Variants in LRRC57 observed in about 807,000 individuals in gnomAD.
LRRC57 encodes leucine-rich repeat-containing protein 57.
In LRRC57, 14 loss-of-function variants were observed where a neutral mutation model predicts 23.1. That is an observed-to-expected ratio of 0.61 (90% CI 0.40 to 0.95). The LOEUF is 0.95. LRRC57 is among the 40% of genes least tolerant of loss of function. The pLI is 0.00. For missense variants in LRRC57, 236 were observed against 284.4 expected (o/e 0.83, Z 1.22); for synonymous variants, 106 against 115.2 (o/e 0.92, Z 0.51).
downstream of LRRC57, among the ~76,000 whole-genome samples, chr15:42,535,022 AAG>A (rs573073910): frequency 2.6e-4 from 39 of 152,330 alleles, no homozygotes; most frequent in South Asian, 7.5e-3. Context: ...AGCCTCTAAC[AAG>A]AGAGTCAGCC....
In LRRC57 at chr15:42,538,017, A is replaced by C. The variant is rs1365591284; in HGVS notation, c.*6066T>G. On this transcript the variant is annotated 3_prime_UTR_variant, in exon 6 of 6. Transcript: ENST00000397130. ...TAGCATAGTACGGTGACTATACTTA[A>C]TGTAAGTTTCAAAATGGCTAGAAGA... 2 of 152,206 alleles carry C rather than the reference A, an allele frequency of 1.3e-5. No homozygotes were observed. The highest frequency in any genetic ancestry group is 2.9e-5 in the Non-Finnish European group (2 of 68,032). 9.4% of individuals were successfully genotyped at this position (152,206 alleles called of 1,614,324 possible).
rs150875501 is a variant in LRRC57 at position 42,538,261 on chromosome 15, C to T, written c.*5822G>A. 20 of 152,298 alleles carry T rather than the reference C, an allele frequency of 1.3e-4. No individual in the cohort carries two copies. The East Asian group carries it at 3.5e-3, about 26-fold the overall frequency. The allele number at this position is 152,298 out of a possible 1,614,324, so 9.4% of individuals were successfully genotyped here. On this transcript the variant is annotated 3_prime_UTR_variant, in exon 6 of 6. Transcript: ENST00000397130. The stretch of plus-strand genomic sequence containing the variant: ...CTTTAGGTCACTCTTACCAAAACTT[C>T]AGGTTATCCCAATTACATTCCTAAT...
rs1016265774 is a variant in LRRC57, at chr15:42,540,148, A to G, written c.*3935T>C. The G allele has an allele frequency of 1.3e-5, 2 of 151,286 alleles. No individual in the cohort carries two copies. Among genetic ancestry groups the G allele is most frequent in the African/African-American group, 4.9e-5 (2 of 41,010 alleles). The allele number at this position is 151,286 out of a possible 1,614,324, so 9.4% of individuals were successfully genotyped here. On this transcript the variant is annotated 3_prime_UTR_variant, in exon 6 of 6. Transcript: ENST00000397130. ...GAGGCGGAGGTTGCAGTGAGCCAAG[A>G]TCGCGCCATTGTACTCCAGCGTGGG... is the stretch of plus-strand genomic sequence containing the variant.
chr15:42,537,654 A>C (rs1156342852), downstream of LRRC57, among the ~76,000 whole-genome samples: 8 of 152,212 alleles, frequency 5.3e-5, no homozygotes, highest in Non-Finnish European at 1.2e-4. Context: ...GTCCATCAAC[A>C]GATGAATGGA....
downstream of LRRC57, among the ~76,000 whole-genome samples, chr15:42,534,161 T>C (rs2057587927): frequency 6.6e-6 from 1 of 152,202 alleles, no homozygotes; most frequent in Non-Finnish European, 1.5e-5. Flanking sequence ...GAAGGAGTCT[T>C]GCTCTGTCAT....
At chr15:42,535,904 C>A (rs2057598396), downstream of LRRC57, among the ~76,000 whole-genome samples, 1 of 152,088 alleles carries the variant, frequency 6.6e-6, no homozygotes, top group Non-Finnish European at 1.5e-5. Context: ...GAAGATGAGA[C>A]CGTTTCTACA....
the LRRC57 span, chr15:42,529,723 A>T: frequency 6.2e-7 from 1 of 1,614,142 alleles, no homozygotes. Flanking sequence ...ACCTGACTCA[A>T]GTGGGCAGTA....
chr15:42,530,525 G>A, the LRRC57 span, among the ~76,000 whole-genome samples: 3 of 152,196 alleles, frequency 2.0e-5, no homozygotes, highest in East Asian at 1.9e-4. Context: ...TTTGAGAGGC[G>A]GAGGCAGGAG....
the LRRC57 span, chr15:42,528,558 T>C: frequency 1.1e-6 from 1 of 880,682 alleles, no homozygotes; most frequent in Non-Finnish European, 1.7e-6. Context: ...TTTAAAAATC[T>C]GCCCACTGAC....
Position 42,547,277 on chromosome 15 carries a change from T to C in LRRC57, c.476A>G (p.Asn159Ser), listed in dbSNP as rs747963864. 5 of 1,614,100 alleles carry C rather than the reference T, an allele frequency of 3.1e-6. No homozygotes were observed. Among genetic ancestry groups the C allele is most frequent in the South Asian group, 2.2e-5 (2 of 91,050 alleles). The change falls in exon 4 of 6, where the codon AAC becomes AGC. Residue 159 changes from asparagine to serine, a missense_variant. Transcript: ENST00000397130. Reference sequence around the variant, plus strand: ...GCTCTAGACCTGATTCTGGTTGAGGTTGAGTTCGATGACTTGCAGCTCTCC... The same window carrying C: ...GCTCTAGACCTGATTCTGGTTGAGGCTGAGTTCGATGACTTGCAGCTCTCC... ...SVGELQVIELNLNQNQISQIS... is the reference protein window; with the variant it reads ...SVGELQVIELSLNQNQISQIS...
In LRRC57 at chr15:42,539,514, G is replaced by C. The variant is rs2057617551; in HGVS notation, c.*4569C>G. 8.8e-6 allele frequency: 1 copy of C among 113,788 alleles called. No individual in the cohort carries two copies. The highest frequency in any genetic ancestry group is 1.8e-5 in the Non-Finnish European group (1 of 57,080). 7.0% of individuals were successfully genotyped at this position (113,788 alleles called of 1,614,324 possible). ...AAAAAAAAAAGAGACTTAAAAGCCAGGCAGTGGCTCACACCTGTAATCTCA... is the reference window on the plus strand; with the variant it reads ...AAAAAAAAAAGAGACTTAAAAGCCACGCAGTGGCTCACACCTGTAATCTCA... On this transcript the variant is annotated 3_prime_UTR_variant, in exon 6 of 6. Transcript: ENST00000397130.
At chr15:42,546,989 T>C (rs149270505) in intron 4 of LRRC57, among the ~76,000 whole-genome samples, 1,534 of 152,300 alleles carry the variant, frequency 0.01, 36 homozygotes, top group African/African-American at 0.035. Flanking sequence ...TCTTCAAGAT[T>C]TGTGAGACAG....
At chr15:42,534,538 T>G (rs2057590771), downstream of LRRC57, among the ~76,000 whole-genome samples, 1 of 152,232 alleles carries the variant, frequency 6.6e-6, no homozygotes, top group African/African-American at 2.4e-5. Context: ...ATCATGAATG[T>G]CCTTAACGGT....
downstream of LRRC57, among the ~76,000 whole-genome samples, chr15:42,534,865 A>G (rs2057592468): frequency 6.6e-6 from 1 of 152,248 alleles, no homozygotes; most frequent in Non-Finnish European, 1.5e-5. Flanking sequence ...TCAGTAAATC[A>G]TGCTGTAAAC....
At chr15:42,548,569 C>G (rs2057679002) in intron 1 of LRRC57, 113 bp from the exon 2 acceptor site, 1 of 798,660 alleles carries the variant, frequency 1.3e-6, no homozygotes, top group East Asian at 2.7e-5. Context: ...GGGCCCGACC[C>G]AAGAGCGACA....
Position 42,541,022 on chromosome 15 carries a change from A to C in LRRC57, c.*3061T>G. The C allele has an allele frequency of 6.7e-6, 1 of 150,184 alleles. No homozygotes were observed. The highest frequency in any genetic ancestry group is 2.5e-5 in the African/African-American group (1 of 40,676). 9.3% of individuals were successfully genotyped at this position (150,184 alleles called of 1,614,324 possible). ...ACTCCAGCCTGGGTGAAAGAATGAG[A>C]CTCCGTCTCAGAAAAAAAAAAAAAA... is the stretch of plus-strand genomic sequence containing the variant. On this transcript the variant is annotated 3_prime_UTR_variant, in exon 6 of 6. Transcript: ENST00000397130.
In LRRC57 at chr15:42,540,643, C is replaced by T; in HGVS notation, c.*3440G>A. The T allele has an allele frequency of 6.6e-6, 1 of 152,164 alleles. No homozygotes were observed. 9.4% of individuals were successfully genotyped at this position (152,164 alleles called of 1,614,324 possible). ...TGAAGAAAGGGCAATAAGTCTAGGC[C>T]CAAATTGTGAAGGGTGGTAGTTGTG... On this transcript the variant is annotated 3_prime_UTR_variant, in exon 6 of 6. Transcript: ENST00000397130.
chr15:42,548,750 C>G lies in LRRC57; in HGVS notation c.-80G>C, dbSNP rs899389585. Reference sequence around the variant, plus strand: ...GGTGAAGACCCAGGACCCGCAGTAGCCGGGATGCGCTCCCCGGCTTAGTCC... The same window carrying G: ...GGTGAAGACCCAGGACCCGCAGTAGGCGGGATGCGCTCCCCGGCTTAGTCC... On this transcript the variant is annotated 5_prime_UTR_variant, in exon 1 of 6. Transcript: ENST00000397130. The G allele has an allele frequency of 2.8e-6, 2 of 720,764 alleles. No individual in the cohort carries two copies. The highest frequency in any genetic ancestry group is 2.8e-5 in the Admixed American group (1 of 35,182). The allele number at this position is 720,764 out of a possible 1,614,324, so 44.6% of individuals were successfully genotyped here.
chr15:42,547,261 C>A lies in LRRC57; in HGVS notation c.492G>T (p.Gln164His). The change falls in exon 4 of 6, where the codon CAG becomes CAT. Residue 164 changes from glutamine to histidine, a missense_variant and splice_region_variant. Gln to His is a conservative substitution (Grantham distance 24, BLOSUM62 0). Transcript: ENST00000397130. ...GAAAAAAAACCTTAAAGCTCTAGAC[C>A]TGATTCTGGTTGAGGTTGAGTTCGA... is the stretch of plus-strand genomic sequence containing the variant. ...QVIELNLNQN[Q>H]ISQISVKISC... 1.2e-6 allele frequency: 2 copies of A among 1,613,764 alleles called. No individual in the cohort carries two copies. Among genetic ancestry groups the A allele is most frequent in the South Asian group, 2.2e-5 (2 of 90,980 alleles).
Sources: allele counts gnomAD v4.1 joint callset (sites outside exome capture counted in the v4.1 genomes callset), GRCh38; gene constraint gnomAD v4.1.1; transcripts MANE v1.5; gene names NCBI Gene and HGNC (gene_info 2026-07-23, HGNC 2026-07-21).